RORA: variants seen among roughly 807,000 people sequenced by gnomAD.
RORA encodes nuclear receptor ROR-alpha.
RORA carries 7 observed loss-of-function variants against 69.5 expected under a neutral mutation model. The ratio of observed to expected loss-of-function variants is 0.10; its 90% CI spans 0.06 to 0.19. The LOEUF is 0.19. Ranked by LOEUF, RORA falls within the 10% of genes least tolerant of loss-of-function variation. The pLI, the probability that RORA is intolerant of heterozygous loss-of-function variation, is 1.00. For missense variants in RORA, 457 were observed against 663.0 expected (o/e 0.69, Z 3.41); for synonymous variants, 261 against 240.8 (o/e 1.08, Z -0.78).
At chr15:61,000,015 C>CAGTA in intron 1 of RORA, among the ~76,000 whole-genome samples, 1 of 152,148 alleles carries the variant, frequency 6.6e-6, no homozygotes, top group South Asian at 2.1e-4. Flanking sequence ...ACTTCCTGCA[C>CAGTA]AGTAACATGA....
intron 1 of RORA, among the ~76,000 whole-genome samples, chr15:61,186,054 GCTCC>G (rs1567028202): frequency 6.6e-6 from 1 of 152,152 alleles, no homozygotes; most frequent in Admixed American, 6.5e-5. Flanking sequence ...TCTGTGGCTG[GCTCC>G]TCCTAAAACG....
At chr15:61,133,029 C>T (rs1369746660) in intron 1 of RORA, among the ~76,000 whole-genome samples, 1 of 145,626 alleles carries the variant, frequency 6.9e-6, no homozygotes, top group Non-Finnish European at 1.5e-5. Flanking sequence ...AATAGTTTAA[C>T]AGTAACTAAG....
intron 1 of RORA, among the ~76,000 whole-genome samples, chr15:61,029,328 A>G (rs931703246): frequency 2.0e-5 from 3 of 152,068 alleles, no homozygotes; most frequent in Admixed American, 1.3e-4. Context: ...GCCAGGGAGG[A>G]TCAGGCCTGA....
At chr15:60,845,853 TCTC>T (rs1358723902) in intron 1 of RORA, among the ~76,000 whole-genome samples, 7 of 152,152 alleles carry the variant, frequency 4.6e-5, no homozygotes, top group Non-Finnish European at 4.4e-5. Flanking sequence ...TTCACACCAT[TCTC>T]CTACCTCAGC....
intron 2 of RORA, among the ~76,000 whole-genome samples, chr15:60,661,739 C>T (rs890666068): frequency 5.3e-5 from 8 of 152,154 alleles, no homozygotes; most frequent in Non-Finnish European, 1.5e-5. Context: ...ACCCTGACTC[C>T]ATCAGAACCC....
At chr15:61,117,862 A>C (rs893131544) in intron 1 of RORA, among the ~76,000 whole-genome samples, 25 of 152,250 alleles carry the variant, frequency 1.6e-4, no homozygotes, top group Admixed American at 1.6e-3. Flanking sequence ...AAAGATAAAG[A>C]CTTCAAAAGT....
At chr15:61,062,843 T>A (rs977305844) in intron 1 of RORA, among the ~76,000 whole-genome samples, 1 of 152,086 alleles carries the variant, frequency 6.6e-6, no homozygotes, top group African/African-American at 2.4e-5. Context: ...AGGGACATGC[T>A]CCCCAGAAAT....
chr15:61,009,556 A>C (rs1895025061), intron 1 of RORA, among the ~76,000 whole-genome samples: 1 of 152,214 alleles, frequency 6.6e-6, no homozygotes, highest in Non-Finnish European at 1.5e-5. Flanking sequence ...CTAATCTTTA[A>C]TTTTAATTCA....
chr15:61,081,807 CAAAAAAAA>C (rs59591650), intron 1 of RORA, among the ~76,000 whole-genome samples: 1 of 105,690 alleles, frequency 9.5e-6, no homozygotes, highest in African/African-American at 3.5e-5. Flanking sequence ...GACTCTGTCT[CAAAAAAAA>C]AAAAAAAAGA....
intron 1 of RORA, among the ~76,000 whole-genome samples, chr15:61,099,357 T>C (rs1566988413): frequency 6.6e-6 from 1 of 152,198 alleles, no homozygotes; most frequent in Non-Finnish European, 1.5e-5. Flanking sequence ...AGATGTCAGT[T>C]CTAATTATCT....
chr15:60,859,041 C>T (rs2073410276), intron 1 of RORA, among the ~76,000 whole-genome samples: 1 of 151,516 alleles, frequency 6.6e-6, no homozygotes, highest in Admixed American at 6.6e-5. Context: ...GGTGTCTGCT[C>T]CACAGAAAGA....
chr15:61,139,885 G>A (rs1166892545), intron 1 of RORA, among the ~76,000 whole-genome samples: 1 of 152,096 alleles, frequency 6.6e-6, no homozygotes, highest in Admixed American at 6.5e-5. Context: ...CCTTGCCCTG[G>A]GTTTTCTTTA....
At chr15:60,695,561 CTTTA>C (rs914318174) in intron 1 of RORA, among the ~76,000 whole-genome samples, 6 of 151,926 alleles carry the variant, frequency 3.9e-5, no homozygotes, top group African/African-American at 1.5e-4. Flanking sequence ...TCCTGTTACT[CTTTA>C]TTTACGTACA....
intron 2 of RORA, among the ~76,000 whole-genome samples, chr15:60,617,037 A>G (rs750813450): frequency 2.0e-5 from 3 of 152,260 alleles, no homozygotes; most frequent in Non-Finnish European, 2.9e-5. Context: ...AAATCAATCA[A>G]ACAAAAAAGC....
Position 60,495,175 on chromosome 15 carries a change from A to G in RORA, c.*2280T>C, listed in dbSNP as rs1019296291. 3 of 152,222 alleles carry G rather than the reference A, an allele frequency of 2.0e-5. No homozygotes were observed. In the South Asian group the frequency reaches 6.2e-4, roughly 32 times the overall value. The allele number at this position is 152,222 out of a possible 1,614,324, so 9.4% of individuals were successfully genotyped here. A position where few individuals can be genotyped will look rare whatever the true frequency, so the allele number is the denominator to read the frequency against. On this transcript the variant is annotated 3_prime_UTR_variant, in exon 11 of 11. Coordinates refer to ENST00000335670, the MANE Select transcript of RORA (RefSeq NM_134261.3). ...TCCCCCCAGAGGAGAAACAATAGAA[A>G]AAAAATGGATGAATAAATAACTGAA...
At position 61,006,072 on chromosome 15, in the gene RORA, G is replaced by A. The variant is rs62005613; in HGVS notation, c.166+222981C>T. Reference sequence around the variant, plus strand: ...CAACCTCCACCTCCTGGGTTCAAGCGGTTCTCCTGCCTCAGCTTCCCGAGT... The same window carrying A: ...CAACCTCCACCTCCTGGGTTCAAGCAGTTCTCCTGCCTCAGCTTCCCGAGT... On this transcript the variant is annotated intron_variant, in intron 1 of 10. Transcript: ENST00000335670. Among the ~76,000 whole-genome samples the A allele has an allele frequency of 6.3e-3, 959 of 152,096 alleles. 6 individuals are homozygous for A. Among genetic ancestry groups the A allele is most frequent in the African/African-American group, 0.01 (424 of 41,486 alleles).
chr15:61,158,173 A>G (rs1379763518), intron 1 of RORA, among the ~76,000 whole-genome samples: 1 of 152,200 alleles, frequency 6.6e-6, no homozygotes, highest in African/African-American at 2.4e-5. Flanking sequence ...GTGTGGGATG[A>G]GCAATTCCAT....
intron 1 of RORA, among the ~76,000 whole-genome samples, chr15:60,863,119 T>C (rs1205564682): frequency 6.6e-6 from 1 of 152,216 alleles, no homozygotes; most frequent in African/African-American, 2.4e-5. Flanking sequence ...CAACAAAAAC[T>C]CTAGGAATAC....
intron 1 of RORA, among the ~76,000 whole-genome samples, chr15:61,129,379 C>T (rs530324523): frequency 2.1e-4 from 32 of 151,996 alleles, no homozygotes; most frequent in South Asian, 1.0e-3. Context: ...TCCATTTATA[C>T]GGAATATCTA....
Sources: gnomAD v4.1 joint callset for allele counts (sites outside exome capture counted in the v4.1 genomes callset) on GRCh38, gnomAD v4.1.1 for gene constraint, MANE v1.5 for transcripts, NCBI Gene and HGNC (gene_info 2026-07-23, HGNC 2026-07-21) for gene names.